Variants in SLC16A4 observed in about 807,000 individuals in gnomAD.
SLC16A4 encodes the protein probable monocarboxylate transporter 5.
SLC16A4 carries 39 observed loss-of-function variants against 47.9 expected under a neutral mutation model. That is an observed-to-expected ratio of 0.81 (90% confidence interval 0.63 to 1.06). SLC16A4 has a LOEUF of 1.06. SLC16A4 is among the 50% of genes least tolerant of loss of function. SLC16A4 has a pLI of 0.00. For synonymous variants in SLC16A4, 189 were observed against 199.9 expected (o/e 0.95, Z 0.46); for missense variants, 524 against 573.8 (o/e 0.91, Z 0.89).
At chr1:110,385,125 A>G (rs1662665884) in intron 2 of SLC16A4, among the ~76,000 whole-genome samples, 1 of 152,238 alleles carries the variant, frequency 6.6e-6, no homozygotes, top group African/African-American at 2.4e-5. Context: ...TGCTCCCTGG[A>G]CAATCATTTA....
Position 110,388,134 on chromosome 1 carries a change from G to T in SLC16A4, c.87+1103C>A, listed in dbSNP as rs993469282. 3.3e-5 allele frequency among the ~76,000 whole-genome samples: 5 copies of T among 152,180 alleles called. No individual in the cohort carries two copies. The South Asian group carries it at 6.2e-4, about 19-fold the overall frequency. On this transcript the variant is annotated intron_variant, in intron 2 of 8. Transcript: ENST00000369779. ...TGTTTTTTTTTGAGTGCATCTCAAAGTTAATAGAACTCTGGAAACACTTAA... is the reference window on the plus strand; with the variant it reads ...TGTTTTTTTTTGAGTGCATCTCAAATTTAATAGAACTCTGGAAACACTTAA...
intron 6 of SLC16A4, among the ~76,000 whole-genome samples, chr1:110,377,956 A>G (rs1662104061): frequency 6.6e-6 from 1 of 152,006 alleles, no homozygotes; most frequent in African/African-American, 2.4e-5. Flanking sequence ...CAGCCTCCTG[A>G]ATAGCTGCTA....
At chr1:110,365,094 C>T (rs12028977) in intron 8 of SLC16A4, among the ~76,000 whole-genome samples, 117,923 of 151,832 alleles carry the variant, frequency 0.78, 46,225 homozygotes, top group African/African-American at 0.89. Flanking sequence ...AGTTCTTTTC[C>T]AAAGTATAGT....
At chr1:110,379,543 T>C (rs909131232) in intron 5 of SLC16A4, among the ~76,000 whole-genome samples, 187 bp from the exon 6 acceptor site, 3 of 149,634 alleles carry the variant, frequency 2.0e-5, no homozygotes, top group African/African-American at 4.9e-5. Flanking sequence ...GCTTTGGAGA[T>C]AGAAAACCAG....
chr1:110,364,307 C>G (rs1474977181), intron 8 of SLC16A4, among the ~76,000 whole-genome samples: 1 of 151,958 alleles, frequency 6.6e-6, no homozygotes, highest in Non-Finnish European at 1.5e-5. Context: ...TGAGGATACA[C>G]TAGTGAGCCA....
rs1662353206 is a variant in SLC16A4, at chr1:110,381,096, T to C, written c.412A>G (p.Lys138Glu). ...LYQVAAVVTT[K>E]YFKKRLALST... ...AGAGCCAATCGTTTTTTGAAGTATT[T>C]GGTAGTTACCACAGCAGCCACTTGG... The change falls in exon 5 of 9, where the codon AAA becomes GAA. Residue 138 changes from lysine (K) to glutamate (E), a missense_variant. Coordinates refer to ENST00000369779, the MANE Select transcript of SLC16A4 (RefSeq NM_004696.3). The C allele has an allele frequency of 6.2e-7, 1 of 1,614,010 alleles. No individual in the cohort carries two copies. The highest frequency in any genetic ancestry group is 8.5e-7 in the Non-Finnish European group (1 of 1,180,004).
chr1:110,370,295 T>G (rs1389787990), intron 8 of SLC16A4: 1 of 152,152 alleles, frequency 6.6e-6, no homozygotes, highest in African/African-American at 2.4e-5. Flanking sequence ...TGCTCTGCCT[T>G]CTCACTTTCT....
At chr1:110,372,696 C>T (rs919813133) in intron 8 of SLC16A4, 13 of 152,188 alleles carry the variant, frequency 8.5e-5, no homozygotes, top group Admixed American at 5.9e-4. Flanking sequence ...ACTAGGAGCA[C>T]GTCCTGGACT....
Position 110,381,803 on chromosome 1 carries a change from GAAGA to G in SLC16A4, c.221-12_221-9del, listed in dbSNP as rs768393809. 1.9e-6 allele frequency: 3 copies of G among 1,607,890 alleles called. No homozygotes were observed. In the African/African-American group the frequency reaches 4.0e-5, roughly 22 times the overall value. ...TAATAGCAACCAGGGGACCTTAAGA[GAAGA>G]AAGAAAGGCAATTCTTAGGTAAATA... On this transcript the variant is annotated splice_polypyrimidine_tract_variant and intron_variant, in intron 3 of 8. Coordinates refer to ENST00000369779, the MANE Select transcript of SLC16A4 (RefSeq NM_004696.3).
intron 6 of SLC16A4, among the ~76,000 whole-genome samples, chr1:110,377,978 C>T (rs770258197): frequency 1.1e-4 from 16 of 151,998 alleles, no homozygotes; most frequent in African/African-American, 3.4e-4. Context: ...TACAGGCGCC[C>T]GCAACCACGC....
At chr1:110,376,918 G>C (rs367721238) in intron 7 of SLC16A4, 32 bp downstream of exon 7, 241 of 1,555,712 alleles carry the variant, frequency 1.5e-4, no homozygotes, top group Non-Finnish European at 2.0e-4. Context: ...TTACTAAATG[G>C]TTTAACAATG....
Position 110,386,945 on chromosome 1 carries a change from C to T in SLC16A4, c.87+2292G>A, listed in dbSNP as rs148316629. Among the ~76,000 whole-genome samples, 4 of 152,282 alleles carry T rather than the reference C, an allele frequency of 2.6e-5. No homozygotes were observed. In the South Asian group the frequency reaches 6.2e-4, roughly 24 times the overall value. Reference sequence around the variant, plus strand: ...CCAATAGAGTCTTGTTATTTCTCTCCTATTTGACCTCTCAGTAGCATCTGC... The same window carrying T: ...CCAATAGAGTCTTGTTATTTCTCTCTTATTTGACCTCTCAGTAGCATCTGC... On this transcript the variant is annotated intron_variant, in intron 2 of 8. Transcript: ENST00000369779.
In SLC16A4 at chr1:110,363,592, C is replaced by G. The variant is rs550904318; in HGVS notation, c.*174G>C. On this transcript the variant is annotated 3_prime_UTR_variant, in exon 9 of 9. Transcript: ENST00000369779. ...AGTGAGCCGAGATTGCGCCACTGCA[C>G]TCCAGCCTGGGCGAAAGAGCGAGAC... 7.8e-5 allele frequency: 41 copies of G among 526,898 alleles called. No homozygotes were observed. The East Asian group carries it at 1.4e-3, about 18-fold the overall frequency. The allele number at this position is 526,898 out of a possible 1,614,324, so 32.6% of individuals were successfully genotyped here.
chr1:110,377,247 CTCATCCTGAGG>C, intron 6 of SLC16A4, 86 bp from the exon 7 acceptor site: 1 of 1,132,238 alleles, frequency 8.8e-7, no homozygotes, highest in Non-Finnish European at 1.3e-6. Flanking sequence ...GTAATATGAT[CTCATCCTGAGG>C]CCAGGATATG....
At chr1:110,387,258 T>C (rs913969769) in intron 2 of SLC16A4, among the ~76,000 whole-genome samples, 52 of 151,980 alleles carry the variant, frequency 3.4e-4, no homozygotes, top group African/African-American at 1.3e-3. Flanking sequence ...CCTGCCCCCA[T>C]GGAACATTCA....
At chr1:110,380,681 T>C (rs1046651435) in intron 5 of SLC16A4, among the ~76,000 whole-genome samples, 1 of 152,128 alleles carries the variant, frequency 6.6e-6, no homozygotes, top group Non-Finnish European at 1.5e-5. Flanking sequence ...AGTATCGCTT[T>C]TACTGCAAGC....
intron 8 of SLC16A4, chr1:110,370,834 TATC>T (rs756105297): frequency 1.3e-5 from 2 of 152,240 alleles, no homozygotes; most frequent in Non-Finnish European, 2.9e-5. Context: ...GTCATTTTAT[TATC>T]CCACAACTCA....
At chr1:110,373,524 A>G (rs766773803) in intron 8 of SLC16A4, among the ~76,000 whole-genome samples, 5 of 152,180 alleles carry the variant, frequency 3.3e-5, no homozygotes, top group African/African-American at 4.8e-5. Context: ...TCCAGGTATG[A>G]AACGTAGGCT....
At chr1:110,376,901 C>T (rs956275847) in intron 7 of SLC16A4, 49 bp downstream of exon 7, 1 of 1,461,386 alleles carries the variant, frequency 6.8e-7, no homozygotes, top group Non-Finnish European at 9.4e-7. Flanking sequence ...GTTACTGATA[C>T]TTGCTTTTAC....
Sources: gnomAD v4.1 joint callset for allele counts (sites outside exome capture counted in the v4.1 genomes callset) on GRCh38, gnomAD v4.1.1 for gene constraint, MANE v1.5 for transcripts, NCBI Gene and HGNC (gene_info 2026-07-23, HGNC 2026-07-21) for gene names.